The following LIMS1 variants were observed in gnomAD, a reference collection of about 807,000 sequenced individuals.
The protein encoded by LIMS1 is LIM and senescent cell antigen-like-containing domain protein 1.
LIMS1 carries 18 observed loss-of-function variants against 44.1 expected under a neutral mutation model. The observed-to-expected ratio is 0.41, with a 90% CI of 0.28 to 0.61. The LOEUF (loss-of-function observed/expected upper bound fraction) is 0.61, where lower values mean the gene tolerates loss of function less well. Ranked by LOEUF, LIMS1 falls within the 20% of genes least tolerant of loss-of-function variation. LIMS1 has a pLI of 0.32. For missense variants in LIMS1, 201 were observed against 422.0 expected (o/e 0.48, Z 4.59); for synonymous variants, 93 against 149.1 (o/e 0.62, Z 2.74).
intron 1 of LIMS1, among the ~76,000 whole-genome samples, chr2:108,575,455 T>C (rs1685633988): frequency 6.6e-6 from 1 of 152,210 alleles, no homozygotes; most frequent in African/African-American, 2.4e-5. Context: ...TGTTACTTCT[T>C]TGTTTAAAGC....
intron 1 of LIMS1, among the ~76,000 whole-genome samples, chr2:108,602,184 C>G (rs1160925717): frequency 1.3e-5 from 2 of 152,194 alleles, no homozygotes; most frequent in East Asian, 3.8e-4. Flanking sequence ...TTTATCAACT[C>G]TAATAGTTTT....
intron 1 of LIMS1, among the ~76,000 whole-genome samples, chr2:108,561,990 C>G (rs1685142188): frequency 6.6e-6 from 1 of 152,054 alleles, no homozygotes; most frequent in South Asian, 2.1e-4. Context: ...GATCCACCCA[C>G]CTTGGCTTCC....
At chr2:108,639,296 A>T (rs1689500185) in intron 1 of LIMS1, among the ~76,000 whole-genome samples, 1 of 152,210 alleles carries the variant, frequency 6.6e-6, no homozygotes. Flanking sequence ...TTCAGGAGAA[A>T]AAAAAGGGAC....
chr2:108,667,551 A>AAAAAAATATATAT (rs765279788), intron 2 of LIMS1, among the ~76,000 whole-genome samples: 1 of 130,484 alleles, frequency 7.7e-6, no homozygotes, highest in Non-Finnish European at 1.6e-5. Context: ...AAAAAAAAAA[A>AAAAAAATATATAT]ATATATATAT....
chr2:108,536,134 C>T lies in LIMS1; in HGVS notation c.32+1540C>T, dbSNP rs76348669. ...ATAGTTTCCTTTTAAGACCTTCAAA[C>T]CTCTCTGGTCCAGTGTCTCTCCGCA... On this transcript the variant is annotated intron_variant, in intron 1 of 9. Coordinates refer to ENST00000544547, the Ensembl canonical transcript of LIMS1. Among the ~76,000 whole-genome samples the T allele has an allele frequency of 9.4e-3, 1,434 of 152,282 alleles. 11 individuals carry two copies. Among genetic ancestry groups the T allele is most frequent in the Middle Eastern group, 0.024 (7 of 294 alleles).
At chr2:108,646,385 G>A (rs1690063330) in intron 1 of LIMS1, among the ~76,000 whole-genome samples, 1 of 152,164 alleles carries the variant, frequency 6.6e-6, no homozygotes, top group South Asian at 2.1e-4. Context: ...TGACTACTGG[G>A]TAAATAACGA....
At chr2:108,588,393 G>A (rs953701318) in intron 1 of LIMS1, 10 of 985,348 alleles carry the variant, frequency 1.0e-5, no homozygotes, top group Middle Eastern at 5.2e-4. Flanking sequence ...ATAATTCGCA[G>A]TGATGTGAAA....
At chr2:108,648,434 T>A (rs529370142) in intron 1 of LIMS1, among the ~76,000 whole-genome samples, 1 of 152,302 alleles carries the variant, frequency 6.6e-6, no homozygotes, top group South Asian at 2.1e-4. Context: ...CTATTGACTT[T>A]CTTCACAGAA....
At chr2:108,549,488 T>A (rs997690961) in intron 1 of LIMS1, among the ~76,000 whole-genome samples, 1 of 151,834 alleles carries the variant, frequency 6.6e-6, no homozygotes, top group Non-Finnish European at 1.5e-5. Flanking sequence ...AGAGACAGGG[T>A]TTCCCCATGT....
At chr2:108,539,307 A>G (rs1684243076) in intron 1 of LIMS1, among the ~76,000 whole-genome samples, 1 of 152,154 alleles carries the variant, frequency 6.6e-6, no homozygotes, top group African/African-American at 2.4e-5. Context: ...CTAGTGTTGA[A>G]TTCCTGGCCT....
intron 5 of LIMS1, 133 bp downstream of exon 5, chr2:108,673,162 C>A (rs2433831): frequency 2.9e-5 from 39 of 1,344,962 alleles, no homozygotes; most frequent in South Asian, 5.4e-5. Flanking sequence ...AACCTATAGA[C>A]GAGTCAAGAG....
chr2:108,607,058 C>A, intron 1 of LIMS1: 1 of 628,106 alleles, frequency 1.6e-6, no homozygotes. Context: ...GGAGGTGGAG[C>A]CTTTGGAGAG....
intron 1 of LIMS1, among the ~76,000 whole-genome samples, chr2:108,642,997 C>G (rs1054989312): frequency 2.0e-5 from 3 of 152,138 alleles, no homozygotes; most frequent in African/African-American, 4.8e-5. Flanking sequence ...CGCAGTAGGT[C>G]AATCATTCCA....
chr2:108,668,149 CAG>C (rs1691916875), intron 2 of LIMS1, among the ~76,000 whole-genome samples: 1 of 152,104 alleles, frequency 6.6e-6, no homozygotes, highest in South Asian at 2.1e-4. Flanking sequence ...AAAATCAAAT[CAG>C]GGTATTTAAC....
rs1692103999 is a variant in LIMS1 at position 108,670,652 on chromosome 2, A to G, written c.193-129A>G. The G allele has an allele frequency of 7.4e-6, 5 of 674,148 alleles. No homozygotes were observed. In the Admixed American group the frequency reaches 1.1e-4, roughly 15 times the overall value. 41.8% of individuals were successfully genotyped at this position (674,148 alleles called of 1,614,324 possible). ...AAGAGTATCTGCTTTTTAAAATCCC[A>G]GTAGAGTTATAAATTCTTAGAGTAG... is the stretch of plus-strand genomic sequence containing the variant. On this transcript the variant is annotated intron_variant, in intron 2 of 9. Coordinates refer to ENST00000544547, the Ensembl canonical transcript of LIMS1.
intron 1 of LIMS1, among the ~76,000 whole-genome samples, chr2:108,547,733 A>T (rs1485273495): frequency 6.6e-6 from 1 of 152,198 alleles, no homozygotes; most frequent in Admixed American, 6.5e-5. Context: ...GTGTGGAGGA[A>T]ATGGTGCCCA....
At chr2:108,667,838 A>G (rs186197576) in intron 2 of LIMS1, among the ~76,000 whole-genome samples, 2 of 152,266 alleles carry the variant, frequency 1.3e-5, no homozygotes, top group Admixed American at 6.5e-5. Flanking sequence ...ATCCTCCTGT[A>G]TACTTTTCAT....
At chr2:108,604,967 G>A (rs76366103) in intron 1 of LIMS1, among the ~76,000 whole-genome samples, 3 of 152,202 alleles carry the variant, frequency 2.0e-5, no homozygotes, top group Non-Finnish European at 2.9e-5. Context: ...GTCTGAACAG[G>A]ATACTGAAGC....
intron 8 of LIMS1, among the ~76,000 whole-genome samples, chr2:108,679,311 T>G (rs1692787993): frequency 6.6e-6 from 1 of 151,776 alleles, no homozygotes; most frequent in African/African-American, 2.4e-5. Flanking sequence ...AAACCCCATC[T>G]CTACTAAAAA....
Sources: allele counts gnomAD v4.1 joint callset (sites outside exome capture counted in the v4.1 genomes callset), GRCh38; gene constraint gnomAD v4.1.1; transcripts MANE v1.5; gene names NCBI Gene and HGNC (gene_info 2026-07-23, HGNC 2026-07-21).